The following LDLRAD3 variants were observed in gnomAD, a reference collection of about 807,000 sequenced individuals.
The protein encoded by LDLRAD3 is low density lipoprotein receptor class A domain containing 3.
LDLRAD3 carries 20 observed loss-of-function variants against 29.4 expected under a neutral mutation model. That is an observed-to-expected ratio of 0.68 (90% CI 0.48 to 0.99). The LOEUF is 0.99. Among genes scored for constraint, LDLRAD3 ranks in the 50% least tolerant of loss-of-function variants. LDLRAD3 has a pLI of 0.00. For missense variants in LDLRAD3, 420 were observed against 454.3 expected (o/e 0.92, Z 0.69); for synonymous variants, 157 against 192.7 (o/e 0.81, Z 1.53).
In LDLRAD3 at chr11:36,083,751, C is replaced by T. The variant is rs797016367; in HGVS notation, c.319+1973C>T. Among the ~76,000 whole-genome samples the T allele has an allele frequency of 7.0e-5, 9 of 128,290 alleles. No homozygotes were observed. The South Asian group carries it at 1.7e-3, about 24-fold the overall frequency. The allele number at this position is 128,290 out of a possible 152,430, so 84.2% of individuals were successfully genotyped here. A position where few individuals can be genotyped will look rare whatever the true frequency, so the allele number is the denominator to read the frequency against. On this transcript the variant is annotated intron_variant, in intron 3 of 5. Coordinates refer to ENST00000315571, the MANE Select transcript of LDLRAD3 (RefSeq NM_174902.4). Reference sequence around the variant, plus strand: ...GGGAGAAATTACACACACACACACACACACACACACACACACACACACACA... The same window carrying T: ...GGGAGAAATTACACACACACACACATACACACACACACACACACACACACA...
At chr11:35,975,191 T>G (rs2133151078) in intron 1 of LDLRAD3, among the ~76,000 whole-genome samples, 1 of 152,328 alleles carries the variant, frequency 6.6e-6, no homozygotes, top group Admixed American at 6.5e-5. Flanking sequence ...TAGGACAAGC[T>G]TACTACCTGT....
intron 4 of LDLRAD3, among the ~76,000 whole-genome samples, chr11:36,224,657 A>G (rs1855475765): frequency 1.3e-5 from 2 of 152,122 alleles, no homozygotes; most frequent in African/African-American, 4.8e-5. Flanking sequence ...GGACTTGGAG[A>G]ATCTTTGTAG....
intron 4 of LDLRAD3, among the ~76,000 whole-genome samples, chr11:36,205,772 G>T (rs1406703695): frequency 6.6e-6 from 1 of 152,186 alleles, no homozygotes; most frequent in Admixed American, 6.5e-5. Context: ...TCATTTGTGT[G>T]TTCAATTAGT....
chr11:35,949,506 C>G (rs1038291519), intron 1 of LDLRAD3, among the ~76,000 whole-genome samples: 2 of 152,200 alleles, frequency 1.3e-5, no homozygotes, highest in Non-Finnish European at 2.9e-5. Context: ...AATTCCTTCT[C>G]CCTTGCCATC....
At chr11:36,225,490 A>G (rs894298615) in intron 4 of LDLRAD3, among the ~76,000 whole-genome samples, 1 of 152,112 alleles carries the variant, frequency 6.6e-6, no homozygotes, top group Non-Finnish European at 1.5e-5. Context: ...TATGATAGCA[A>G]CCTGCAGGGG....
At chr11:36,042,625 A>G (rs934143029) in intron 2 of LDLRAD3, among the ~76,000 whole-genome samples, 1 of 152,214 alleles carries the variant, frequency 6.6e-6, no homozygotes, top group African/African-American at 2.4e-5. Context: ...CCTAACCCCC[A>G]GTATTTCAGA....
chr11:35,977,141 A>G (rs116711629), intron 1 of LDLRAD3, among the ~76,000 whole-genome samples: 1 of 152,110 alleles, frequency 6.6e-6, no homozygotes, highest in South Asian at 2.1e-4. Flanking sequence ...GCTCCATGCT[A>G]TCAGGGACCC....
At position 36,156,353 on chromosome 11, in the gene LDLRAD3, G is replaced by A. The variant is rs140059046; in HGVS notation, c.454+57892G>A. On this transcript the variant is annotated intron_variant, in intron 4 of 5. Transcript: ENST00000315571. ...GCAAACTCAAAGCCCAAGTTTGTTC[G>A]TATAGCCAGCTCTGCCCAGCAGGAC... Among the ~76,000 whole-genome samples the A allele has an allele frequency of 5.1e-3, 777 of 152,290 alleles. 4 individuals carry two copies. The highest frequency in any genetic ancestry group is 0.015 in the African/African-American group (637 of 41,564).
intron 4 of LDLRAD3, among the ~76,000 whole-genome samples, 161 bp from the exon 5 acceptor site, chr11:36,226,924 G>A (rs897137949): frequency 2.5e-4 from 38 of 152,162 alleles, no homozygotes; most frequent in Non-Finnish European, 2.9e-4. Context: ...TTGTTTATCC[G>A]TTCATCGGTT....
chr11:36,177,108 G>GA (rs1236274366), intron 4 of LDLRAD3, among the ~76,000 whole-genome samples: 2 of 151,662 alleles, frequency 1.3e-5, no homozygotes, highest in Non-Finnish European at 1.5e-5. Flanking sequence ...TTCTATTGTT[G>GA]AAAATTTCCA....
intron 4 of LDLRAD3, among the ~76,000 whole-genome samples, chr11:36,204,654 AT>A (rs1486751530): frequency 6.6e-6 from 1 of 151,820 alleles, no homozygotes; most frequent in Non-Finnish European, 1.5e-5. Flanking sequence ...CGCCCTGCTA[AT>A]TTTTTGTATT....
chr11:36,081,537 AG>A (rs1853113800), intron 2 of LDLRAD3, 115 bp from the exon 3 acceptor site: 1 of 1,371,452 alleles, frequency 7.3e-7, no homozygotes, highest in Non-Finnish European at 1.0e-6. Flanking sequence ...GAAAGCTTCA[AG>A]GACTTTAAGA....
chr11:36,141,396 C>T (rs866429824), intron 4 of LDLRAD3, among the ~76,000 whole-genome samples: 3 of 152,106 alleles, frequency 2.0e-5, no homozygotes, highest in African/African-American at 7.2e-5. Context: ...AAGCAGGGAT[C>T]GAATTTTTAT....
chr11:36,118,302 C>T (rs939115180), intron 4 of LDLRAD3, among the ~76,000 whole-genome samples: 1 of 152,024 alleles, frequency 6.6e-6, no homozygotes, highest in East Asian at 1.9e-4. Flanking sequence ...GCAAGAACTG[C>T]GAATGGGAAC....
At chr11:36,179,852 G>A (rs946621025) in intron 4 of LDLRAD3, among the ~76,000 whole-genome samples, 2 of 152,042 alleles carry the variant, frequency 1.3e-5, no homozygotes, top group Non-Finnish European at 2.9e-5. Context: ...AAATTAGCCG[G>A]ACATGGTAGC....
chr11:35,969,798 G>A (rs556534680), intron 1 of LDLRAD3, among the ~76,000 whole-genome samples: 1 of 152,212 alleles, frequency 6.6e-6, no homozygotes, highest in Admixed American at 6.5e-5. Flanking sequence ...AGCTCCTCCA[G>A]GGAGGAGGCA....
intron 1 of LDLRAD3, chr11:35,967,928 C>A (rs148928725): frequency 2.6e-6 from 1 of 391,026 alleles, no homozygotes; most frequent in Non-Finnish European, 5.0e-6. Flanking sequence ...GCATAAACTT[C>A]ACGCAAAGCC....
chr11:36,027,943 G>A (rs1254278286), intron 1 of LDLRAD3, among the ~76,000 whole-genome samples: 1 of 152,202 alleles, frequency 6.6e-6, no homozygotes, highest in Non-Finnish European at 1.5e-5. Context: ...TGCTGATTGA[G>A]CTGAAAAGAC....
chr11:35,972,536 A>G (rs537628542), intron 1 of LDLRAD3: 1 of 152,170 alleles, frequency 6.6e-6, no homozygotes, highest in Non-Finnish European at 1.5e-5. Flanking sequence ...TCCAGCCCAG[A>G]GGAAACCAGC....
Sources: gnomAD v4.1 joint callset for allele counts (sites outside exome capture counted in the v4.1 genomes callset) on GRCh38, gnomAD v4.1.1 for gene constraint, MANE v1.5 for transcripts, NCBI Gene and HGNC (gene_info 2026-07-23, HGNC 2026-07-21) for gene names.